ADGRG2: variants seen among roughly 807,000 people sequenced by gnomAD.
ADGRG2 encodes the protein G protein-coupled receptor 64.
A neutral mutation model predicts 74.1 loss-of-function variants in ADGRG2; 26 were observed. That is an observed-to-expected ratio of 0.35 (90% CI 0.26 to 0.49). ADGRG2 has a LOEUF of 0.49. Ranked by LOEUF, ADGRG2 falls within the 20% of genes least tolerant of loss-of-function variation. The probability of loss-of-function intolerance (pLI) is 0.99; values close to 1 mark genes in which losing one functional copy is unlikely to be tolerated. For synonymous variants in ADGRG2, 296 were observed against 295.2 expected (o/e 1.00, Z -0.03); for missense variants, 619 against 763.1 (o/e 0.81, Z 2.22).
At chrX:19,065,886 C>T (rs2061560915) in intron 3 of ADGRG2, among the ~76,000 whole-genome samples, 1 of 112,390 alleles carries the variant, frequency 8.9e-6, no homozygotes, top group Non-Finnish European at 1.9e-5. Flanking sequence ...CTCGCTCTGT[C>T]ACCCAGGCTG....
At chrX:19,082,053 A>T (rs1259568493) in intron 2 of ADGRG2, among the ~76,000 whole-genome samples, 9 of 96,575 alleles carry the variant, frequency 9.3e-5, no homozygotes, top group African/African-American at 2.0e-4. Flanking sequence ...TACCTGGGTG[A>T]CAGAGGGAGA....
At chrX:19,097,749 G>A (rs1286780296) in intron 1 of ADGRG2, among the ~76,000 whole-genome samples, 2 of 111,626 alleles carry the variant, frequency 1.8e-5, no homozygotes, top group African/African-American at 6.5e-5. Flanking sequence ...GTACTCTGCT[G>A]TGCTCAGGCA....
chrX:19,076,084 T>G (rs990818285), intron 2 of ADGRG2, among the ~76,000 whole-genome samples: 9 of 112,001 alleles, frequency 8.0e-5, no homozygotes, highest in African/African-American at 2.9e-4. Flanking sequence ...ACTCATGTGA[T>G]CACCACAGCC....
intron 3 of ADGRG2, among the ~76,000 whole-genome samples, chrX:19,054,232 T>G (rs1040389480): frequency 8.9e-6 from 1 of 111,991 alleles, no homozygotes; most frequent in African/African-American, 3.2e-5. Context: ...TTTGAGAACA[T>G]GGGAGGAGAG....
At chrX:19,106,272 T>C (rs2062290096) in intron 1 of ADGRG2, among the ~76,000 whole-genome samples, 1 of 110,489 alleles carries the variant, frequency 9.1e-6, no homozygotes, top group African/African-American at 3.3e-5. Context: ...ACCTGCAGCA[T>C]GGATGTGTAA....
intron 1 of ADGRG2, among the ~76,000 whole-genome samples, chrX:19,083,389 G>A (rs937407773): frequency 9.1e-6 from 1 of 110,238 alleles, no homozygotes; most frequent in African/African-American, 3.3e-5. Flanking sequence ...TAGGGCACTG[G>A]ACAACGAAGT....
intron 15 of ADGRG2, among the ~76,000 whole-genome samples, chrX:19,019,302 C>T (rs2060537149): frequency 8.9e-6 from 1 of 111,987 alleles, no homozygotes; most frequent in Admixed American, 9.5e-5. Context: ...TAACACTGAG[C>T]TACCATTTCT....
chrX:19,085,618 T>C (rs1046935519), intron 1 of ADGRG2, among the ~76,000 whole-genome samples: 1 of 111,564 alleles, frequency 9.0e-6, no homozygotes, highest in African/African-American at 3.3e-5. Context: ...TGTGAGCCAC[T>C]GCACATGGCC....
At chrX:19,115,956 T>C (rs1402130387) in intron 1 of ADGRG2, among the ~76,000 whole-genome samples, 1 of 109,781 alleles carries the variant, frequency 9.1e-6, no homozygotes. Context: ...ATGCTTGTAG[T>C]CTCAGCACTT....
intron 3 of ADGRG2, among the ~76,000 whole-genome samples, chrX:19,066,869 T>G (rs1484954133): frequency 9.0e-6 from 1 of 111,554 alleles, no homozygotes; most frequent in East Asian, 2.8e-4. Context: ...TTCCATGAAC[T>G]TCTAAAGATC....
At position 19,006,279 on chromosome X, in the gene ADGRG2, A is replaced by T; in HGVS notation, c.1690-14T>A. 9.2e-7 allele frequency: 1 copy of T among 1,082,963 alleles called. No individual in the cohort carries two copies. Among genetic ancestry groups the T allele is most frequent in the Non-Finnish European group, 1.3e-6 (1 of 783,180 alleles). 89.2% of individuals were successfully genotyped at this position (1,082,963 alleles called of 1,213,427 possible). ...TGTTAACTCATCCTGTGGTAGAAAG[A>T]TAAATCACACATAATTAATTTACTG... On this transcript the variant is annotated splice_polypyrimidine_tract_variant and intron_variant, in intron 20 of 28. Coordinates refer to ENST00000379869, the MANE Select transcript of ADGRG2 (RefSeq NM_001079858.3).
At chrX:19,052,352 G>T (rs1302610580) in intron 3 of ADGRG2, among the ~76,000 whole-genome samples, 2 of 111,013 alleles carry the variant, frequency 1.8e-5, no homozygotes. Flanking sequence ...GTCTTTCCAG[G>T]AGAAGGGCCA....
chrX:19,043,438 T>C (rs1414306933), intron 3 of ADGRG2, among the ~76,000 whole-genome samples: 1 of 112,055 alleles, frequency 8.9e-6, no homozygotes, highest in Non-Finnish European at 1.9e-5. Context: ...AACATTTCCA[T>C]TGTTAAAAAG....
intron 3 of ADGRG2, among the ~76,000 whole-genome samples, chrX:19,051,531 CT>C: frequency 8.9e-6 from 1 of 112,003 alleles, no homozygotes; most frequent in Non-Finnish European, 1.9e-5. Flanking sequence ...CTTTGCCACT[CT>C]TCTGTCAAGA....
At chrX:19,032,703 T>C (rs771159052) in intron 8 of ADGRG2, 1 of 111,731 alleles carries the variant, frequency 9.0e-6, no homozygotes, top group African/African-American at 3.3e-5. Context: ...ATGGTCTCTG[T>C]TGCAACCACT....
intron 1 of ADGRG2, among the ~76,000 whole-genome samples, chrX:19,106,230 G>C (rs1396169451): frequency 1.8e-5 from 2 of 110,861 alleles, no homozygotes; most frequent in Non-Finnish European, 3.8e-5. Flanking sequence ...TCCTGGGGTG[G>C]GGTGGGAGCT....
At chrX:19,028,264 T>G in intron 9 of ADGRG2, 26 bp from the exon 10 acceptor site, 1 of 742,328 alleles carries the variant, frequency 1.3e-6, no homozygotes, top group Non-Finnish European at 2.1e-6. Context: ...CAAAAAGATA[T>G]TTGAGACTTG....
At chrX:19,087,242 A>T (rs751960062) in intron 1 of ADGRG2, among the ~76,000 whole-genome samples, 1 of 112,390 alleles carries the variant, frequency 8.9e-6, no homozygotes, top group East Asian at 2.8e-4. Flanking sequence ...GGAAAACTAA[A>T]GATCATTCAT....
chrX:19,099,797 G>A (rs2147028663), intron 1 of ADGRG2, among the ~76,000 whole-genome samples: 1 of 111,947 alleles, frequency 8.9e-6, no homozygotes, highest in African/African-American at 3.2e-5. Flanking sequence ...CATTTTGGGA[G>A]CCTGAGCTGA....
Sources: gnomAD v4.1 joint callset for allele counts (sites outside exome capture counted in the v4.1 genomes callset) on GRCh38, gnomAD v4.1.1 for gene constraint, MANE v1.5 for transcripts, NCBI Gene and HGNC (gene_info 2026-07-23, HGNC 2026-07-21) for gene names.